The following RCN1 variants were observed in gnomAD, a reference collection of about 807,000 sequenced individuals.
RCN1 encodes the protein reticulocalbin-1.
In RCN1, 14 loss-of-function variants were observed where a neutral mutation model predicts 34.7. That is an observed-to-expected ratio of 0.40 (90% CI 0.27 to 0.63). RCN1 has a LOEUF of 0.63. Ranked by LOEUF, RCN1 falls within the 30% of genes least tolerant of loss-of-function variation. The probability of loss-of-function intolerance (pLI) is 0.37; values close to 1 mark genes in which losing one functional copy is unlikely to be tolerated. For synonymous variants in RCN1, 125 were observed against 165.5 expected (o/e 0.76, Z 1.88); for missense variants, 326 against 425.1 (o/e 0.77, Z 2.05).
At position 32,091,075 on chromosome 11, in the gene RCN1, G is replaced by A; in HGVS notation, c.-122G>A. The A allele has an allele frequency of 1.7e-6, 2 of 1,166,838 alleles. No individual in the cohort carries two copies. The highest frequency in any genetic ancestry group is 2.2e-6 in the Non-Finnish European group (2 of 892,456). 72.3% of individuals were successfully genotyped at this position (1,166,838 alleles called of 1,614,324 possible). On this transcript the variant is annotated 5_prime_UTR_variant, in exon 1 of 6. Coordinates refer to ENST00000054950, the MANE Select transcript of RCN1 (RefSeq NM_002901.4). ...CGGGCACTGGCGGAGGGACTGGCCA[G>A]TCCCCTCCTCCGCGCCGGCCCCAAC...
chr11:32,094,425 A>G (rs767583832), intron 1 of RCN1, among the ~76,000 whole-genome samples: 2 of 152,090 alleles, frequency 1.3e-5, no homozygotes, highest in Non-Finnish European at 2.9e-5. Flanking sequence ...CTTTATTCCC[A>G]TGTGTCAGTC....
chr11:32,104,282 A>C, intron 5 of RCN1, 83 bp from the exon 6 acceptor site: 1 of 806,174 alleles, frequency 1.2e-6, no homozygotes, highest in Non-Finnish European at 2.1e-6. Flanking sequence ...AATGTTGTAC[A>C]TCAGTGAAAT....
intron 4 of RCN1, chr11:32,102,228 G>T (rs1852052323): frequency 1.3e-5 from 2 of 151,470 alleles, no homozygotes; most frequent in South Asian, 4.2e-4. Context: ...GGGTAATCAT[G>T]TAATGGCTTC....
At chr11:32,101,924 C>G (rs764631434) in intron 4 of RCN1, 1 of 152,228 alleles carries the variant, frequency 6.6e-6, no homozygotes, top group Non-Finnish European at 1.5e-5. Context: ...CCCTCCGGAA[C>G]TGTGCATTGA....
chr11:32,098,487 C>T lies in RCN1; in HGVS notation c.586C>T (p.His196Tyr), dbSNP rs1467698499. ...ATREEFTAFLHPEEFEHMKEI... is the reference protein window; with the variant it reads ...ATREEFTAFLYPEEFEHMKEI... ...TCGGGAGGAGTTCACTGCCTTTCTG[C>T]ATCCTGAAGAGTTTGAACATATGAA... The change falls in exon 3 of 6, where the codon CAT (histidine) becomes TAT (tyrosine). Residue 196 changes from histidine to tyrosine, a missense_variant. Physicochemically the swap from His to Tyr is moderately conservative, Grantham distance 83 (BLOSUM62 2). Coordinates refer to ENST00000054950, the MANE Select transcript of RCN1 (RefSeq NM_002901.4). 6.2e-7 allele frequency: 1 copy of T among 1,613,682 alleles called. No homozygotes were observed. Among genetic ancestry groups the T allele is most frequent in the Admixed American group, 1.7e-5 (1 of 59,940 alleles).
chr11:32,105,191 T>C lies in RCN1; in HGVS notation c.*719T>C, dbSNP rs1852096990. On this transcript the variant is annotated 3_prime_UTR_variant, in exon 6 of 6. Coordinates refer to ENST00000054950, the MANE Select transcript of RCN1 (RefSeq NM_002901.4). ...CATTTGAAGAACTATAGTAAAATGA[T>C]AAACACTAAATATACTTGAGAAAAC... 1 of 167,088 alleles carries C rather than the reference T, an allele frequency of 6.0e-6. No individual in the cohort carries two copies. 10.4% of individuals were successfully genotyped at this position (167,088 alleles called of 1,614,324 possible).
intron 5 of RCN1, among the ~76,000 whole-genome samples, chr11:32,103,827 C>G (rs1852076212): frequency 6.6e-6 from 1 of 152,212 alleles, no homozygotes; most frequent in Non-Finnish European, 1.5e-5. Context: ...AAATACTTAT[C>G]AAACATCTGT....
chr11:32,096,017 A>AG (rs1851969696), intron 1 of RCN1, among the ~76,000 whole-genome samples: 1 of 152,190 alleles, frequency 6.6e-6, no homozygotes, highest in Non-Finnish European at 1.5e-5. Context: ...CACCTAAAAA[A>AG]AAGTTATAGG....
Position 32,103,359 on chromosome 11 carries a change from G to C in RCN1, c.767G>C (p.Arg256Pro), listed in dbSNP as rs560258489. The C allele has an allele frequency of 6.2e-7, 1 of 1,613,514 alleles. No homozygotes were observed. The highest frequency in any genetic ancestry group is 8.5e-7 in the Non-Finnish European group (1 of 1,179,462). The change falls in exon 5 of 6, where the codon CGG (arginine) becomes CCG (proline). Residue 256 changes from arginine to proline, a missense_variant. Physicochemically the swap from Arg to Pro is moderately radical, Grantham distance 103. Coordinates refer to ENST00000054950, the MANE Select transcript of RCN1 (RefSeq NM_002901.4). ...GAACGGGAGCAGTTTAACGAATTCC[G>C]GGATCTGAACAAGGACGGGAAGTTA... ...LSEREQFNEF[R>P]DLNKDGKLDK...
intron 4 of RCN1, 114 bp downstream of exon 4, chr11:32,100,722 C>A (rs223065): frequency 0.71 from 545,868 of 771,616 alleles, 195,562 homozygotes; most frequent in East Asian, 0.97. Context: ...CAAGTCTATA[C>A]GTCACTCCTG....
intron 1 of RCN1, among the ~76,000 whole-genome samples, chr11:32,092,821 G>A (rs1166566175): frequency 2.0e-5 from 3 of 152,170 alleles, no homozygotes; most frequent in East Asian, 3.9e-4. Context: ...AGAGAACACA[G>A]CCATCCCTGT....
At chr11:32,098,630 T>C (rs1004212639) in intron 3 of RCN1, 102 bp downstream of exon 3, 7 of 954,382 alleles carry the variant, frequency 7.3e-6, no homozygotes, top group African/African-American at 1.7e-5. Context: ...CTGAAGGGAA[T>C]TGGAGAAGGA....
rs757958973 is a variant in RCN1, at chr11:32,103,490, A to G, written c.888+10A>G. The stretch of plus-strand genomic sequence containing the variant: ...ATCAGACAAAAACAAGGTATTTCCC[A>G]TTCTTCTGGAATCACTGATTGAAGG... On this transcript the variant is annotated intron_variant, in intron 5 of 5. Coordinates refer to ENST00000054950, the MANE Select transcript of RCN1 (RefSeq NM_002901.4). The G allele has an allele frequency of 1.4e-5, 23 of 1,610,366 alleles. No individual in the cohort carries two copies. Among genetic ancestry groups the G allele is most frequent in the Non-Finnish European group, 2.0e-5 (23 of 1,176,596 alleles).
intron 4 of RCN1, chr11:32,102,693 G>A: frequency 4.0e-6 from 1 of 249,820 alleles, no homozygotes; most frequent in Non-Finnish European, 7.7e-6. Flanking sequence ...AAAGCAGAGT[G>A]ACCATGTTCC....
intron 1 of RCN1, among the ~76,000 whole-genome samples, chr11:32,095,704 G>GA (rs1210344149): frequency 3.3e-5 from 5 of 151,786 alleles, no homozygotes; most frequent in Non-Finnish European, 7.4e-5. Flanking sequence ...CACCATGCCC[G>GA]GCCATTCCTG....
rs1490556461 is a variant in RCN1 at position 32,104,534 on chromosome 11, C to T, written c.*62C>T. On this transcript the variant is annotated 3_prime_UTR_variant, in exon 6 of 6. Coordinates refer to ENST00000054950, the MANE Select transcript of RCN1 (RefSeq NM_002901.4). ...ATTCTGTTATTGTCTTGGATTGTTG[C>T]TACAATTGTCTAATTTACAGCAGTT... 2.2e-6 allele frequency: 2 copies of T among 913,164 alleles called. No homozygotes were observed. The highest frequency in any genetic ancestry group is 3.8e-5 in the Admixed American group (2 of 52,838). 56.6% of individuals were successfully genotyped at this position (913,164 alleles called of 1,614,324 possible). A position where few individuals can be genotyped will look rare whatever the true frequency, so the allele number is the denominator to read the frequency against.
intron 1 of RCN1, 177 bp downstream of exon 1, chr11:32,091,627 G>A: frequency 2.6e-6 from 2 of 779,876 alleles, no homozygotes; most frequent in South Asian, 2.3e-5. Flanking sequence ...AGGGCCCCGG[G>A]ACCCCAGCTT....
intron 3 of RCN1, 102 bp from the exon 4 acceptor site, chr11:32,100,441 TCACCA>T: frequency 1.1e-6 from 1 of 878,748 alleles, no homozygotes; most frequent in Non-Finnish European, 1.9e-6. Flanking sequence ...GAGCCAGAAG[TCACCA>T]AGCATTCAGC....
At chr11:32,100,654 C>T (rs367825854) in intron 4 of RCN1, 46 bp downstream of exon 4, 1,061 of 1,475,550 alleles carry the variant, frequency 7.2e-4, no homozygotes, top group Non-Finnish European at 9.5e-4. Context: ...GACTGGGCCA[C>T]ATGACCCCAC....
Sources: allele counts gnomAD v4.1 joint callset (sites outside exome capture counted in the v4.1 genomes callset), GRCh38; gene constraint gnomAD v4.1.1; transcripts MANE v1.5; gene names NCBI Gene and HGNC (gene_info 2026-07-23, HGNC 2026-07-21).